The following PTPRD variants were observed in gnomAD, a reference collection of about 807,000 sequenced individuals.
PTPRD encodes the protein receptor-type tyrosine-protein phosphatase delta.
PTPRD carries 34 observed loss-of-function variants against 214.5 expected under a neutral mutation model. The ratio of observed to expected loss-of-function variants is 0.16; its 90% CI spans 0.12 to 0.21. The LOEUF (loss-of-function observed/expected upper bound fraction) is 0.21, where lower values mean the gene tolerates loss of function less well. Ranked by LOEUF, PTPRD falls within the 10% of genes least tolerant of loss-of-function variation. The pLI is 1.00. For missense variants in PTPRD, 2,545 were observed against 2,398.7 expected (o/e 1.06, Z -1.27); for synonymous variants, 1,128 against 845.7 (o/e 1.33, Z -5.79).
At chr9:9,994,749 T>C (rs2096065353) in intron 4 of PTPRD, among the ~76,000 whole-genome samples, 1 of 152,168 alleles carries the variant, frequency 6.6e-6, no homozygotes, top group African/African-American at 2.4e-5. Context: ...TTAGCTAAAA[T>C]ATTTATCAAT....
chr9:8,387,320 C>T (rs1414550230), intron 37 of PTPRD, among the ~76,000 whole-genome samples: 2 of 152,146 alleles, frequency 1.3e-5, no homozygotes, highest in Non-Finnish European at 2.9e-5. Context: ...AAGAACTGCT[C>T]ATTACCATCA....
At chr9:8,901,953 A>G (rs2098672222) in intron 11 of PTPRD, among the ~76,000 whole-genome samples, 1 of 152,210 alleles carries the variant, frequency 6.6e-6, no homozygotes, top group Non-Finnish European at 1.5e-5. Context: ...GGATAAATCT[A>G]TTAAATTCTC....
intron 4 of PTPRD, among the ~76,000 whole-genome samples, chr9:9,988,417 G>T (rs938235973): frequency 1.3e-5 from 2 of 152,062 alleles, no homozygotes; most frequent in Admixed American, 1.3e-4. Context: ...AGAGTTCCTT[G>T]ACCTCCAAGC....
At chr9:9,050,271 G>A (rs558139685) in intron 10 of PTPRD, among the ~76,000 whole-genome samples, 15 of 152,274 alleles carry the variant, frequency 9.9e-5, no homozygotes, top group African/African-American at 3.6e-4. Context: ...GATAAAACTA[G>A]TCATGACACT....
intron 12 of PTPRD, among the ~76,000 whole-genome samples, chr9:8,698,311 T>C (rs2097975604): frequency 2.0e-5 from 3 of 152,174 alleles, no homozygotes; most frequent in Non-Finnish European, 2.9e-5. Flanking sequence ...TTTTTGAAAA[T>C]GCTGGTGAAA....
At chr9:10,180,003 T>A (rs72696957) in intron 3 of PTPRD, among the ~76,000 whole-genome samples, 1 of 152,040 alleles carries the variant, frequency 6.6e-6, no homozygotes, top group Non-Finnish European at 1.5e-5. Context: ...TGACAACATA[T>A]GATAGCAATT....
chr9:9,750,792 C>A, intron 6 of PTPRD, among the ~76,000 whole-genome samples: 1 of 152,088 alleles, frequency 6.6e-6, no homozygotes, highest in Admixed American at 6.6e-5. Flanking sequence ...TCTATTTAAT[C>A]TCTAAATTTT....
intron 8 of PTPRD, 85 bp from the exon 9 acceptor site, chr9:9,397,567 C>T (rs780877599): frequency 2.6e-5 from 4 of 152,202 alleles, no homozygotes; most frequent in Non-Finnish European, 2.9e-5. Flanking sequence ...ATGTTATGGA[C>T]ATATCTATAG....
intron 14 of PTPRD, among the ~76,000 whole-genome samples, chr9:8,575,420 G>A (rs188107916): frequency 6.9e-4 from 105 of 152,118 alleles, no homozygotes; most frequent in African/African-American, 2.4e-3. Context: ...AGCCCTGTAC[G>A]GAGTGGCCAA....
At chr9:8,563,436 CTTTTT>C (rs1036473887) in intron 14 of PTPRD, among the ~76,000 whole-genome samples, 1 of 130,604 alleles carries the variant, frequency 7.7e-6, no homozygotes, top group African/African-American at 2.9e-5. Flanking sequence ...TTGATGTAGA[CTTTTT>C]TTTTTTTTTT....
chr9:9,901,415 T>C (rs1566131554), intron 5 of PTPRD, among the ~76,000 whole-genome samples: 1 of 145,464 alleles, frequency 6.9e-6, no homozygotes, highest in Admixed American at 6.7e-5. Flanking sequence ...TCTTAAAAAA[T>C]GCATTGCAAA....
At chr9:9,215,466 C>T (rs2099951568) in intron 9 of PTPRD, among the ~76,000 whole-genome samples, 2 of 152,010 alleles carry the variant, frequency 1.3e-5, no homozygotes, top group African/African-American at 4.8e-5. Context: ...AAATATATTA[C>T]AAAATATAAG....
intron 14 of PTPRD, among the ~76,000 whole-genome samples, chr9:8,550,640 C>T (rs777659152): frequency 7.9e-5 from 12 of 152,176 alleles, no homozygotes; most frequent in African/African-American, 9.7e-5. Flanking sequence ...TCATGATTTT[C>T]AATCACCTAA....
At position 8,858,136 on chromosome 9, in the gene PTPRD, T is replaced by C. The variant is rs62639703; in HGVS notation, c.-103-124190A>G. 6.3e-3 allele frequency: 1,018 copies of C among 161,214 alleles called. 10 individuals are homozygous for C. The highest frequency in any genetic ancestry group is 0.024 in the African/African-American group (979 of 41,614). The allele number at this position is 161,214 out of a possible 1,614,324, so 10.0% of individuals were successfully genotyped here. A position where few individuals can be genotyped will look rare whatever the true frequency, so the allele number is the denominator to read the frequency against. Reference sequence around the variant, plus strand: ...TCTTCCTCCTCCTCCCGCTCCTCGATGCTCCGCCGCTCGCGGCTGGGGGGT... The same window carrying C: ...TCTTCCTCCTCCTCCCGCTCCTCGACGCTCCGCCGCTCGCGGCTGGGGGGT... On this transcript the variant is annotated intron_variant, in intron 11 of 45. Coordinates refer to ENST00000381196, the MANE Select transcript of PTPRD (RefSeq NM_002839.4).
At chr9:8,737,474 T>A (rs779122168) in intron 11 of PTPRD, among the ~76,000 whole-genome samples, 25 of 151,884 alleles carry the variant, frequency 1.6e-4, no homozygotes, top group Non-Finnish European at 2.6e-4. Context: ...GATAAAAGAA[T>A]ATTATAAGGA....
In PTPRD at chr9:9,171,534, T is replaced by C. The variant is rs1022092693; in HGVS notation, c.-143+11770A>G. On this transcript the variant is annotated intron_variant, in intron 10 of 45. Transcript: ENST00000381196. ...TTTGAAAGCATTGACATCAAATATATAGACGATTGTCATAAATGGAAAGTT... is the reference window on the plus strand; with the variant it reads ...TTTGAAAGCATTGACATCAAATATACAGACGATTGTCATAAATGGAAAGTT... Among the ~76,000 whole-genome samples the C allele has an allele frequency of 3.9e-5, 6 of 152,006 alleles. No homozygotes were observed. The East Asian group carries it at 7.7e-4, about 20-fold the overall frequency.
intron 39 of PTPRD, among the ~76,000 whole-genome samples, chr9:8,347,674 G>C (rs2074256107): frequency 6.6e-6 from 1 of 152,128 alleles, no homozygotes; most frequent in East Asian, 1.9e-4. Context: ...AGGGCCTTTA[G>C]GGAGGTAATT....
intron 2 of PTPRD, among the ~76,000 whole-genome samples, chr9:10,576,452 T>C (rs2069362678): frequency 6.6e-6 from 1 of 152,126 alleles, no homozygotes; most frequent in Admixed American, 6.6e-5. Flanking sequence ...ATACATGATT[T>C]TTGGGCAAGA....
At chr9:9,261,242 C>T (rs2099979983) in intron 9 of PTPRD, among the ~76,000 whole-genome samples, 1 of 151,832 alleles carries the variant, frequency 6.6e-6, no homozygotes, top group African/African-American at 2.4e-5. Context: ...GAAGTGTCAA[C>T]TTATCCATCT....
Sources: allele counts gnomAD v4.1 joint callset (sites outside exome capture counted in the v4.1 genomes callset), GRCh38; gene constraint gnomAD v4.1.1; transcripts MANE v1.5; gene names NCBI Gene and HGNC (gene_info 2026-07-23, HGNC 2026-07-21).